Variants in MCOLN1 observed in about 807,000 individuals in gnomAD.
The protein encoded by MCOLN1 is mucolipin TRP cation channel 1.
Under a neutral mutation model 70.3 loss-of-function variants are expected in MCOLN1, and 50 were observed. The ratio of observed to expected loss-of-function variants is 0.71; its 90% confidence interval spans 0.57 to 0.90. The LOEUF (loss-of-function observed/expected upper bound fraction) is 0.90, where lower values mean the gene tolerates loss of function less well. MCOLN1 is among the 40% of genes least tolerant of loss of function. MCOLN1 has a pLI of 0.00. For synonymous variants in MCOLN1, 366 were observed against 341.0 expected, an observed-to-expected ratio of 1.07 and a Z score of -0.81; for missense variants, 598 against 803.5, an observed-to-expected ratio of 0.74 and a Z score of 3.09.
chr19:7,532,608 C>T (rs1366883587), intron 12 of MCOLN1, among the ~76,000 whole-genome samples: 4 of 151,956 alleles, frequency 2.6e-5, no homozygotes, highest in African/African-American at 7.3e-5. Context: ...CCAGCTACTC[C>T]GGAGGCTGAG....
Position 7,527,933 on chromosome 19 carries a change from C to T in MCOLN1, c.750C>T (p.Ile250=). The T allele has an allele frequency of 6.2e-7, 1 of 1,614,134 alleles. No homozygotes were observed. Among genetic ancestry groups the T allele is most frequent in the South Asian group, 1.1e-5 (1 of 91,080 alleles). Residue 250 remains isoleucine, a synonymous_variant, in exon 6 of 14, where the codon ATC becomes ATT. Transcript: ENST00000264079. ...TCCAGAGCCTCATCAATAATGAGAT[C>T]CCGGACTGCTATACCTTCAGCGTCC... is the stretch of plus-strand genomic sequence containing the variant. ...INLQSLINNE[I]PDCYTFSVLI...
In MCOLN1 at chr19:7,526,275, T is replaced by C; in HGVS notation, c.238-164T>C. The C allele has an allele frequency of 2.5e-6, 2 of 803,388 alleles. No homozygotes were observed. Among genetic ancestry groups the C allele is most frequent in the Non-Finnish European group, 4.3e-6 (2 of 469,006 alleles). The allele number at this position is 803,388 out of a possible 1,614,324, so 49.8% of individuals were successfully genotyped here. ...GGTGAAATTAATCAAAGCAAAGAAA[T>C]GCACAAGTGAAATCCGTGTTTGTGG... On this transcript the variant is annotated intron_variant, in intron 2 of 13. Coordinates refer to ENST00000264079, the MANE Select transcript of MCOLN1 (RefSeq NM_020533.3). The surrounding 1 kb of genome is among the most constrained non-coding windows in gnomAD (Gnocchi z 4.6).
In MCOLN1 at chr19:7,524,081, C is replaced by G. The variant is rs2022533688; in HGVS notation, c.32-880C>G. On this transcript the variant is annotated intron_variant, in intron 1 of 13. Transcript: ENST00000264079. The surrounding 1 kb of genome is among the most constrained non-coding windows in gnomAD (Gnocchi z 4.1). ...GGGAGGTCTCGCTGTATTACCTAGGCTGGATCCTCCCACCTTGGCCTCCCA... is the reference window on the plus strand; with the variant it reads ...GGGAGGTCTCGCTGTATTACCTAGGGTGGATCCTCCCACCTTGGCCTCCCA... 2.6e-5 allele frequency among the ~76,000 whole-genome samples: 4 copies of G among 152,100 alleles called. 1 individual carries two copies. In the South Asian group the frequency reaches 8.3e-4, roughly 32 times the overall value.
At chr19:7,529,237 G>A (rs1228792893) in intron 10 of MCOLN1, 35 bp downstream of exon 10, 2 of 1,556,556 alleles carry the variant, frequency 1.3e-6, no homozygotes, top group South Asian at 1.1e-5. Context: ...CCTTCCACAT[G>A]GTTACTCCAC....
intron 4 of MCOLN1, chr19:7,527,271 CAAAAAAAAAAA>C (rs562144613): frequency 1.7e-5 from 4 of 235,826 alleles, no homozygotes; most frequent in Non-Finnish European, 3.1e-5. Context: ...GACCCTGTCT[CAAAAAAAAAAA>C]AAAAAAAAAA....
At chr19:7,523,627 C>T (rs1175573130) in intron 1 of MCOLN1, among the ~76,000 whole-genome samples, 2 of 152,196 alleles carry the variant, frequency 1.3e-5, no homozygotes, top group Non-Finnish European at 2.9e-5. Flanking sequence ...GGGCCAGGCC[C>T]TAGAAAGCAC....
intron 12 of MCOLN1, among the ~76,000 whole-genome samples, chr19:7,532,575 C>T (rs1388175943): frequency 6.6e-5 from 10 of 151,984 alleles, no homozygotes; most frequent in Non-Finnish European, 1.0e-4. Context: ...AATTAGCGGA[C>T]GTGGTGGCAG....
Position 7,530,430 on chromosome 19 carries a change from A to G in MCOLN1, c.1504A>G (p.Ile502Val). Reference protein sequence around the residue: ...LFSQLYLYSFISLFIYMVLSL... With the variant: ...LFSQLYLYSFVSLFIYMVLSL... ...CTCCCAGCTCTACCTTTACTCCTTC[A>G]TCAGCCTCTTCATCTACATGGTGCT... The change falls in exon 12 of 14, where the codon ATC (isoleucine) becomes GTC (valine). Residue 502 changes from isoleucine (I) to valine (V), a missense_variant. Physicochemically the swap from Ile to Val is conservative, Grantham distance 29 (BLOSUM62 3). This residue lies in a region of MCOLN1 where 78 missense variants were observed against 156.2 expected (regional missense o/e 0.50). Coordinates refer to ENST00000264079, the MANE Select transcript of MCOLN1 (RefSeq NM_020533.3). 4 of 1,613,336 alleles carry G rather than the reference A, an allele frequency of 2.5e-6. No homozygotes were observed. Among genetic ancestry groups the G allele is most frequent in the South Asian group, 1.1e-5 (1 of 91,072 alleles).
Position 7,533,914 on chromosome 19 carries a change from G to A in MCOLN1, c.*119G>A, listed in dbSNP as rs775137987. The A allele has an allele frequency of 4.8e-6, 6 of 1,242,934 alleles. No individual in the cohort carries two copies. In the Admixed American group the frequency reaches 5.8e-5, roughly 12 times the overall value. The allele number at this position is 1,242,934 out of a possible 1,614,324, so 77.0% of individuals were successfully genotyped here. A position where few individuals can be genotyped will look rare whatever the true frequency, so the allele number is the denominator to read the frequency against. On this transcript the variant is annotated 3_prime_UTR_variant, in exon 14 of 14. Coordinates refer to ENST00000264079, the MANE Select transcript of MCOLN1 (RefSeq NM_020533.3). ...TCGGCTCCCTGTCGCGCCCGAGGAG[G>A]GCCTGGACCTTTCGTGTCGGACCCT... is the stretch of plus-strand genomic sequence containing the variant.
chr19:7,526,792 G>A lies in MCOLN1; in HGVS notation c.437G>A (p.Arg146Gln), dbSNP rs147878118. ...GCGTTGCCTGACGTGTCACTGGGCCGGTATGCGTATGTCCGTGGTGGGGGT... is the reference window on the plus strand; with the variant it reads ...GCGTTGCCTGACGTGTCACTGGGCCAGTATGCGTATGTCCGTGGTGGGGGT... Reference protein sequence around the residue: ...YLALPDVSLGRYAYVRGGGDP... With the variant: ...YLALPDVSLGQYAYVRGGGDP... The change falls in exon 4 of 14, where the codon CGG becomes CAG. Residue 146 changes from arginine to glutamine, a missense_variant. Physicochemically the swap from Arg to Gln is conservative, Grantham distance 43. Transcript: ENST00000264079. The surrounding 1 kb of genome is among the most constrained non-coding windows in gnomAD (Gnocchi z 4.6). The A allele has an allele frequency of 1.2e-5, 20 of 1,614,144 alleles. No individual in the cohort carries two copies. Among genetic ancestry groups the A allele is most frequent in the Middle Eastern group, 3.3e-4 (2 of 6,044 alleles).
intron 12 of MCOLN1, among the ~76,000 whole-genome samples, 163 bp downstream of exon 12, chr19:7,530,664 G>A (rs1385274990): frequency 6.6e-6 from 1 of 152,208 alleles, no homozygotes; most frequent in African/African-American, 2.4e-5. Flanking sequence ...GGGGGCGCAG[G>A]GGGATGTCAA....
chr19:7,528,056 G>A lies in MCOLN1; in HGVS notation c.777+96G>A, dbSNP rs2022597976. 2 of 1,521,404 alleles carry A rather than the reference G, an allele frequency of 1.3e-6. No homozygotes were observed. The highest frequency in any genetic ancestry group is 1.8e-6 in the Non-Finnish European group (2 of 1,096,046). The allele number at this position is 1,521,404 out of a possible 1,614,324, so 94.2% of individuals were successfully genotyped here. ...AGCACTGGCCAAGGGCAAGCGTGCGGGTGATGAGGGAGGGAGCCCGGGGTC... is the reference window on the plus strand; with the variant it reads ...AGCACTGGCCAAGGGCAAGCGTGCGAGTGATGAGGGAGGGAGCCCGGGGTC... On this transcript the variant is annotated intron_variant, in intron 6 of 13. Transcript: ENST00000264079. The surrounding 1 kb of genome is among the most constrained non-coding windows in gnomAD (Gnocchi z 4.2).
chr19:7,528,686 G>A lies in MCOLN1; in HGVS notation c.967G>A (p.Gly323Ser). ...CCTCTGCGCCCGCTCACTCCTTCGA[G>A]GCTTCCTGCTGCAGAACGTGAGGCT... ...FLLCARSLLRGFLLQNEFVGF... is the reference protein window; with the variant it reads ...FLLCARSLLRSFLLQNEFVGF... The change falls in exon 8 of 14, where the codon GGC becomes AGC. Residue 323 changes from glycine to serine, a missense_variant. Around this residue, in one of 3 missense-constraint regions of MCOLN1, gnomAD observed 461 missense variants for 588.4 expected, o/e 0.78. Transcript: ENST00000264079. This position sits in a 1 kb window ranked among gnomAD's most constrained non-coding sequence, Gnocchi z 4.2. 1 of 1,614,194 alleles carries A rather than the reference G, an allele frequency of 6.2e-7. No homozygotes were observed. Among genetic ancestry groups the A allele is most frequent in the Non-Finnish European group, 8.5e-7 (1 of 1,180,012 alleles).
chr19:7,523,441 C>G (rs1309082108), intron 1 of MCOLN1, among the ~76,000 whole-genome samples: 2 of 152,244 alleles, frequency 1.3e-5, no homozygotes, highest in African/African-American at 4.8e-5. Flanking sequence ...TAGCTGTAAT[C>G]TCAGCTCTGT....
Position 7,522,730 on chromosome 19 carries a change from G to C in MCOLN1, c.-21G>C. ...AGGCTGCCCCGCCGTACCCGCCTGC[G>C]TCCCGCGCTCCCGCCCCAGCATGAC... On this transcript the variant is annotated 5_prime_UTR_variant, in exon 1 of 14. Transcript: ENST00000264079. The C allele has an allele frequency of 1.4e-6, 2 of 1,453,240 alleles. No homozygotes were observed. The highest frequency in any genetic ancestry group is 9.0e-7 in the Non-Finnish European group (1 of 1,107,262). The allele number at this position is 1,453,240 out of a possible 1,614,324, so 90.0% of individuals were successfully genotyped here.
chr19:7,528,671 C>G lies in MCOLN1; in HGVS notation c.952C>G (p.Arg318Gly). 6.2e-7 allele frequency: 1 copy of G among 1,614,234 alleles called. No homozygotes were observed. The highest frequency in any genetic ancestry group is 8.5e-7 in the Non-Finnish European group (1 of 1,180,028). The change falls in exon 8 of 14, where the codon CGC (arginine) becomes GGC (glycine). Residue 318 changes from arginine (R) to glycine (G), a missense_variant. Physicochemically the swap from Arg to Gly is moderately radical, Grantham distance 125. Coordinates refer to ENST00000264079, the MANE Select transcript of MCOLN1 (RefSeq NM_020533.3). The surrounding 1 kb of genome is among the most constrained non-coding windows in gnomAD (Gnocchi z 4.2). ...TCSLSFLLCARSLLRGFLLQN... is the reference protein window; with the variant it reads ...TCSLSFLLCAGSLLRGFLLQN... ...CTCCCTGTCCTTCCTCCTCTGCGCC[C>G]GCTCACTCCTTCGAGGCTTCCTGCT...
chr19:7,527,613 C>T lies in MCOLN1; in HGVS notation c.665C>T (p.Thr222Met), dbSNP rs749863642. The T allele has an allele frequency of 1.8e-5, 29 of 1,612,442 alleles. No homozygotes were observed. The Admixed American group carries it at 2.3e-4, about 13-fold the overall frequency. Residue 222 changes from threonine to methionine, a missense_variant, in exon 5 of 14, where the codon ACG becomes ATG. Transcript: ENST00000264079. Reference protein sequence around the residue: ...LESSSSYKNLTLKFHKLVNVT... With the variant: ...LESSSSYKNLMLKFHKLVNVT... ...AGCAGCTCCAGTTACAAGAACCTCA[C>T]GCTCAAATTCCACAAGTACTGCCTG...
At chr19:7,523,492 G>T in intron 1 of MCOLN1, among the ~76,000 whole-genome samples, 1 of 152,224 alleles carries the variant, frequency 6.6e-6, no homozygotes, top group East Asian at 1.9e-4. Flanking sequence ...AACAGCCACA[G>T]CAGCATCTCA....
In MCOLN1 at chr19:7,528,769, G is replaced by T; in HGVS notation, c.985-52G>T. 1 of 1,614,130 alleles carries T rather than the reference G, an allele frequency of 6.2e-7. No homozygotes were observed. Among genetic ancestry groups the T allele is most frequent in the Non-Finnish European group, 8.5e-7 (1 of 1,179,984 alleles). Reference sequence around the variant, plus strand: ...TGGCCCTGGGGCGATAAAAGCCAGGGCTTTGAGGGTCCTGTGCCTGGTCAG... The same window carrying T: ...TGGCCCTGGGGCGATAAAAGCCAGGTCTTTGAGGGTCCTGTGCCTGGTCAG... On this transcript the variant is annotated intron_variant, in intron 8 of 13. Transcript: ENST00000264079. This position sits in a 1 kb window ranked among gnomAD's most constrained non-coding sequence, Gnocchi z 4.2.
Sources: allele counts gnomAD v4.1 joint callset (sites outside exome capture counted in the v4.1 genomes callset), GRCh38; gene constraint gnomAD v4.1.1; regional missense constraint gnomAD v4.1.1; non-coding constraint Gnocchi (gnomAD v3.1); transcripts MANE v1.5; gene names NCBI Gene and HGNC (gene_info 2026-07-23, HGNC 2026-07-21).